PHLDB2: variants seen among roughly 807,000 people sequenced by gnomAD.
PHLDB2 encodes the protein pleckstrin homology like domain family B member 2.
Under a neutral mutation model 123.6 loss-of-function variants are expected in PHLDB2, and 71 were observed. That is an observed-to-expected ratio of 0.57 (90% CI 0.47 to 0.70). PHLDB2 has a LOEUF of 0.70. Among genes scored for constraint, PHLDB2 ranks in the 30% least tolerant of loss-of-function variants. The pLI is 0.00. For missense variants in PHLDB2, 1,446 were observed against 1,519.5 expected (o/e 0.95, Z 0.80); for synonymous variants, 547 against 541.6 (o/e 1.01, Z -0.14).
intron 1 of PHLDB2, among the ~76,000 whole-genome samples, chr3:111,754,085 A>G (rs2059836633): frequency 6.6e-6 from 1 of 152,044 alleles, no homozygotes; most frequent in Non-Finnish European, 1.5e-5. Flanking sequence ...AGGTAGCGTG[A>G]TGCCTCCAGC....
chr3:111,933,280 A>G (rs2069249490), intron 6 of PHLDB2, among the ~76,000 whole-genome samples: 1 of 152,186 alleles, frequency 6.6e-6, no homozygotes, highest in African/African-American at 2.4e-5. Flanking sequence ...ACAATTTATG[A>G]TTCTACCTGA....
In PHLDB2 at chr3:111,877,205, A is replaced by G. The variant is rs534957802; in HGVS notation, c.-14-6859A>G. ...CCACCAACAGTGTAAAAGTGTTCCT[A>G]TTTCTCCACATCCTCTCCAACATCT... On this transcript the variant is annotated intron_variant, in intron 1 of 17. Coordinates refer to ENST00000431670, the MANE Select transcript of PHLDB2 (RefSeq NM_001134438.2). 9.2e-5 allele frequency among the ~76,000 whole-genome samples: 14 copies of G among 152,320 alleles called. No individual in the cohort carries two copies. In the South Asian group the frequency reaches 2.7e-3, roughly 29 times the overall value.
intron 1 of PHLDB2, among the ~76,000 whole-genome samples, chr3:111,839,086 T>C (rs984173121): frequency 6.6e-6 from 1 of 152,170 alleles, no homozygotes; most frequent in African/African-American, 2.4e-5. Context: ...ATGGGTTTGA[T>C]TGTGGTCACC....
chr3:111,960,268 G>C (rs2071316261), intron 12 of PHLDB2: 1 of 292,308 alleles, frequency 3.4e-6, no homozygotes, highest in African/African-American at 2.3e-5. Context: ...ATTTAATGCT[G>C]TGTGGATTGA....
chr3:111,905,600 A>T (rs1231960504), intron 2 of PHLDB2, among the ~76,000 whole-genome samples: 1 of 151,966 alleles, frequency 6.6e-6, no homozygotes, highest in Non-Finnish European at 1.5e-5. Context: ...CAAGTGATCC[A>T]CCGCCTTGGT....
intron 2 of PHLDB2, among the ~76,000 whole-genome samples, chr3:111,900,899 G>T (rs2067156332): frequency 8.8e-6 from 1 of 113,328 alleles, no homozygotes; most frequent in East Asian, 3.5e-4. Context: ...TGTTTGTTTT[G>T]CTTTTTTTTT....
chr3:111,735,085 C>T (rs569343781), intron 1 of PHLDB2, among the ~76,000 whole-genome samples: 7 of 152,324 alleles, frequency 4.6e-5, no homozygotes, highest in African/African-American at 1.4e-4. Flanking sequence ...TTCTGAGCCC[C>T]AACTAAAGTA....
chr3:111,974,006 C>T (rs769004784), intron 17 of PHLDB2, among the ~76,000 whole-genome samples, 189 bp downstream of exon 17: 1 of 152,038 alleles, frequency 6.6e-6, no homozygotes, highest in South Asian at 2.1e-4. Context: ...AATATCATAG[C>T]AAATTGAGGA....
At chr3:111,804,448 C>A (rs995001212) in intron 1 of PHLDB2, among the ~76,000 whole-genome samples, 1 of 152,128 alleles carries the variant, frequency 6.6e-6, no homozygotes, top group Admixed American at 6.5e-5. Flanking sequence ...TTCAGGTCAA[C>A]CTGTTAGAAA....
intron 16 of PHLDB2, among the ~76,000 whole-genome samples, 179 bp from the exon 17 acceptor site, chr3:111,973,552 CT>C (rs1178576861): frequency 1.3e-5 from 2 of 152,058 alleles, no homozygotes; most frequent in Non-Finnish European, 2.9e-5. Flanking sequence ...TATGGCTTTT[CT>C]TTTTTTATTT....
At chr3:111,919,271 G>A (rs2068356049) in intron 4 of PHLDB2, 56 bp downstream of exon 4, 2 of 1,582,692 alleles carry the variant, frequency 1.3e-6, no homozygotes, top group Non-Finnish European at 1.7e-6. Context: ...TAAAAATATT[G>A]CTACTTATTC....
At chr3:111,857,819 A>C (rs2064590082), upstream of PHLDB2, among the ~76,000 whole-genome samples, 1 of 152,190 alleles carries the variant, frequency 6.6e-6, no homozygotes, top group Non-Finnish European at 1.5e-5. Context: ...CGCTGCAGAG[A>C]ATGTGGAGAA....
At chr3:111,803,846 C>T (rs1021670419) in intron 1 of PHLDB2, among the ~76,000 whole-genome samples, 1 of 152,044 alleles carries the variant, frequency 6.6e-6, no homozygotes, top group African/African-American at 2.4e-5. Flanking sequence ...CTTAACAAAG[C>T]GTAGATTTGT....
chr3:111,733,662 T>C (rs1941581181), intron 1 of PHLDB2, among the ~76,000 whole-genome samples: 1 of 152,244 alleles, frequency 6.6e-6, no homozygotes, highest in Non-Finnish European at 1.5e-5. Context: ...TGAGTGATTC[T>C]TGAGGAAGAA....
chr3:111,754,390 G>T (rs1294018348), intron 1 of PHLDB2, among the ~76,000 whole-genome samples: 1 of 136,436 alleles, frequency 7.3e-6, no homozygotes, highest in Non-Finnish European at 1.6e-5. Flanking sequence ...GGATTCCTAG[G>T]TATTTTATTC....
At chr3:111,794,999 T>C (rs1286389423) in intron 1 of PHLDB2, among the ~76,000 whole-genome samples, 1 of 152,162 alleles carries the variant, frequency 6.6e-6, no homozygotes, top group Non-Finnish European at 1.5e-5. Context: ...GTCTCAAAAT[T>C]TCCAAAATAT....
chr3:111,852,404 ATAT>A (rs1177913381), intron 2 of PHLDB2, among the ~76,000 whole-genome samples: 1 of 148,568 alleles, frequency 6.7e-6, no homozygotes, highest in African/African-American at 2.5e-5. Flanking sequence ...ATAGGATTAT[ATAT>A]TATAATAATC....
chr3:111,775,127 G>T (rs1178076244), intron 1 of PHLDB2, among the ~76,000 whole-genome samples: 1 of 152,098 alleles, frequency 6.6e-6, no homozygotes, highest in Non-Finnish European at 1.5e-5. Context: ...TTCTCTTGTG[G>T]CTCTACAGAT....
intron 8 of PHLDB2, among the ~76,000 whole-genome samples, chr3:111,944,077 C>T (rs1052171926): frequency 1.3e-5 from 2 of 152,112 alleles, no homozygotes; most frequent in Non-Finnish European, 2.9e-5. Flanking sequence ...CTACTGATGC[C>T]TGTAACATGG....
Sources: allele counts gnomAD v4.1 joint callset (sites outside exome capture counted in the v4.1 genomes callset), GRCh38; gene constraint gnomAD v4.1.1; transcripts MANE v1.5; gene names NCBI Gene and HGNC (gene_info 2026-07-23, HGNC 2026-07-21).